The following VOPP1 variants were observed in gnomAD, a reference collection of about 807,000 sequenced individuals.
VOPP1 encodes VOPP1 WW domain binding protein.
In VOPP1, 8 loss-of-function variants were observed where a neutral mutation model predicts 23.5. The ratio of observed to expected loss-of-function variants is 0.34; its 90% CI spans 0.20 to 0.61. VOPP1 has a LOEUF of 0.61. VOPP1 is among the 20% of genes least tolerant of loss of function. The probability of loss-of-function intolerance (pLI) is 0.78; values close to 1 mark genes in which losing one functional copy is unlikely to be tolerated. For synonymous variants in VOPP1, 83 were observed against 97.3 expected, an observed-to-expected ratio of 0.85 and a Z score of 0.86; for missense variants, 174 against 238.1, an observed-to-expected ratio of 0.73 and a Z score of 1.77.
At chr7:55,463,669 G>C (rs1791562794) in intron 4 of VOPP1, among the ~76,000 whole-genome samples, 1 of 152,168 alleles carries the variant, frequency 6.6e-6, no homozygotes, top group Non-Finnish European at 1.5e-5. Flanking sequence ...TGGTAGTTGT[G>C]GGTCAAGCCT....
chr7:55,523,043 G>A (rs545825714), intron 1 of VOPP1, among the ~76,000 whole-genome samples: 2 of 152,316 alleles, frequency 1.3e-5, no homozygotes, highest in South Asian at 4.1e-4. Context: ...GGCCCTTGGT[G>A]GGTGTCTTCT....
intron 1 of VOPP1, among the ~76,000 whole-genome samples, chr7:55,524,166 G>A (rs1046327008): frequency 1.3e-5 from 2 of 152,070 alleles, no homozygotes; most frequent in African/African-American, 4.8e-5. Context: ...CATTTTTCTG[G>A]CATATTCCCT....
At chr7:55,462,317 TA>T (rs1342559421) in intron 4 of VOPP1, among the ~76,000 whole-genome samples, 2 of 152,226 alleles carry the variant, frequency 1.3e-5, no homozygotes, top group Non-Finnish European at 2.9e-5. Context: ...CCTCAAGTGA[TA>T]ATATACCTTG....
intron 4 of VOPP1, among the ~76,000 whole-genome samples, chr7:55,478,148 G>T (rs1792415064): frequency 6.6e-6 from 1 of 152,228 alleles, no homozygotes; most frequent in South Asian, 2.1e-4. Flanking sequence ...CCTGCGGACA[G>T]AAGACCAGCA....
At chr7:55,495,002 A>T (rs1793852564) in intron 3 of VOPP1, among the ~76,000 whole-genome samples, 2 of 151,914 alleles carry the variant, frequency 1.3e-5, no homozygotes, top group African/African-American at 4.8e-5. Context: ...TTAACATTAG[A>T]AGTTACCTGG....
chr7:55,536,651 G>A (rs1366664660), intron 1 of VOPP1, among the ~76,000 whole-genome samples: 4 of 152,148 alleles, frequency 2.6e-5, no homozygotes, highest in African/African-American at 9.7e-5. Context: ...AGAGGAAGAC[G>A]GGAGAGAATG....
intron 4 of VOPP1, among the ~76,000 whole-genome samples, chr7:55,461,791 T>C (rs113148830): frequency 0.012 from 1,828 of 152,354 alleles, 13 homozygotes; most frequent in Admixed American, 0.021. Flanking sequence ...TGAGGACTTA[T>C]TCTTGCCATT....
At chr7:55,553,391 T>G (rs904061709) in intron 1 of VOPP1, among the ~76,000 whole-genome samples, 1 of 152,150 alleles carries the variant, frequency 6.6e-6, no homozygotes, top group African/African-American at 2.4e-5. Flanking sequence ...ATAAAAAGAC[T>G]AGCCTGGGGA....
intron 4 of VOPP1, among the ~76,000 whole-genome samples, chr7:55,476,005 C>A (rs982535526): frequency 2.6e-5 from 4 of 152,146 alleles, no homozygotes; most frequent in Non-Finnish European, 4.4e-5. Context: ...TGATGACAGG[C>A]GTCTCTTGAA....
At chr7:55,477,003 C>T (rs1201837217) in intron 4 of VOPP1, among the ~76,000 whole-genome samples, 1 of 152,230 alleles carries the variant, frequency 6.6e-6, no homozygotes, top group Non-Finnish European at 1.5e-5. Flanking sequence ...TAACATATCC[C>T]AGGCTTTCAC....
intron 4 of VOPP1, among the ~76,000 whole-genome samples, chr7:55,475,161 T>C (rs1253552269): frequency 1.3e-5 from 2 of 152,096 alleles, no homozygotes; most frequent in South Asian, 2.1e-4. Context: ...CTTGCGCATA[T>C]GGGCAGGGGT....
At chr7:55,492,740 G>A (rs1006489983) in intron 3 of VOPP1, 33 of 220,112 alleles carry the variant, frequency 1.5e-4, no homozygotes, top group African/African-American at 6.6e-4. Flanking sequence ...CCTCGTCCAC[G>A]GCTCTGACCT....
At chr7:55,538,500 C>CA in intron 1 of VOPP1, 1 of 978,584 alleles carries the variant, frequency 1.0e-6, no homozygotes, top group African/African-American at 1.6e-5. Flanking sequence ...ACAAACCACA[C>CA]AAAAAGAACA....
intron 4 of VOPP1, among the ~76,000 whole-genome samples, chr7:55,463,715 T>A (rs1224785818): frequency 6.6e-6 from 1 of 152,146 alleles, no homozygotes; most frequent in Non-Finnish European, 1.5e-5. Flanking sequence ...TCCCCAGCAG[T>A]GTGCATGACC....
At chr7:55,483,784 T>C (rs1583873408) in intron 4 of VOPP1, among the ~76,000 whole-genome samples, 2 of 152,196 alleles carry the variant, frequency 1.3e-5, no homozygotes, top group Non-Finnish European at 2.9e-5. Flanking sequence ...TTTTTTGAGA[T>C]GGAATTTCGC....
At chr7:55,469,167 C>T (rs1409119230), downstream of VOPP1, among the ~76,000 whole-genome samples, 2 of 151,938 alleles carry the variant, frequency 1.3e-5, no homozygotes, top group Admixed American at 6.6e-5. Context: ...ATTTTGTAGT[C>T]GAGCATTTGA....
intron 1 of VOPP1, chr7:55,538,659 G>T: frequency 6.5e-7 from 1 of 1,535,944 alleles, no homozygotes; most frequent in South Asian, 1.2e-5. Flanking sequence ...GCTGAGCATT[G>T]TGTGTAATGA....
intron 1 of VOPP1, chr7:55,537,377 G>T: frequency 7.4e-7 from 1 of 1,349,244 alleles, no homozygotes; most frequent in South Asian, 1.3e-5. Flanking sequence ...TCAGACCACT[G>T]ATTTCGTGCT....
At chr7:55,534,710 C>T (rs920396533) in intron 1 of VOPP1, among the ~76,000 whole-genome samples, 3 of 152,226 alleles carry the variant, frequency 2.0e-5, no homozygotes, top group African/African-American at 7.2e-5. Flanking sequence ...AGCTGGGGAC[C>T]TTCTGCCAGT....
Sources: gnomAD v4.1 joint callset for allele counts (sites outside exome capture counted in the v4.1 genomes callset) on GRCh38, gnomAD v4.1.1 for gene constraint, MANE v1.5 for transcripts, NCBI Gene and HGNC (gene_info 2026-07-23, HGNC 2026-07-21) for gene names.